Variants in KCND2 observed in about 807,000 individuals in gnomAD.
KCND2 encodes potassium voltage-gated channel subfamily D member 2.
Under a neutral mutation model 54.4 loss-of-function variants are expected in KCND2, and 16 were observed. The ratio of observed to expected loss-of-function variants is 0.29; its 90% confidence interval spans 0.20 to 0.45. KCND2 has a LOEUF of 0.45. Ranked by LOEUF, KCND2 falls within the 20% of genes least tolerant of loss-of-function variation. KCND2 has a pLI of 1.00. For synonymous variants in KCND2, 317 were observed against 310.7 expected, an observed-to-expected ratio of 1.02 and a Z score of -0.21; for missense variants, 486 against 824.2, an observed-to-expected ratio of 0.59 and a Z score of 5.02.
intron 1 of KCND2, among the ~76,000 whole-genome samples, chr7:120,280,031 A>G (rs537921966): frequency 6.2e-4 from 95 of 152,114 alleles, no homozygotes; most frequent in Non-Finnish European, 1.1e-3. Flanking sequence ...ACATCTATAC[A>G]TAACTATTGC....
At position 120,526,398 on chromosome 7, in the gene KCND2, C is replaced by A. The variant is rs114497046; in HGVS notation, c.1116-206505C>A. Among the ~76,000 whole-genome samples, 811 of 152,150 alleles carry A rather than the reference C, an allele frequency of 5.3e-3. 5 individuals carry two copies. The highest frequency in any genetic ancestry group is 0.018 in the African/African-American group (744 of 41,508). On this transcript the variant is annotated intron_variant, in intron 1 of 5. Coordinates refer to ENST00000331113, the MANE Select transcript of KCND2 (RefSeq NM_012281.3). ...CTCCTAATATACAGAAGAAAAATTACACATGAAGTTAAAAAAGTAAGGATA... is the reference window on the plus strand; with the variant it reads ...CTCCTAATATACAGAAGAAAAATTAAACATGAAGTTAAAAAAGTAAGGATA...
chr7:120,509,996 G>GGACATCTAGCCACAA (rs1803088412), intron 1 of KCND2, among the ~76,000 whole-genome samples: 1 of 152,010 alleles, frequency 6.6e-6, no homozygotes, highest in Non-Finnish European at 1.5e-5. Context: ...AGACCCTACA[G>GGACATCTAGCCACAA]GAAGCAATCC....
At chr7:120,291,659 T>C (rs1262616022) in intron 1 of KCND2, among the ~76,000 whole-genome samples, 1 of 151,910 alleles carries the variant, frequency 6.6e-6, no homozygotes, top group Non-Finnish European at 1.5e-5. Flanking sequence ...TATGTGCAGA[T>C]CTGGGATTTT....
intron 1 of KCND2, among the ~76,000 whole-genome samples, chr7:120,612,738 A>G (rs1461722887): frequency 6.6e-6 from 1 of 152,196 alleles, no homozygotes; most frequent in African/African-American, 2.4e-5. Context: ...GAACTTAATG[A>G]ATTTTTGTTA....
At chr7:120,456,526 A>C (rs773926414) in intron 1 of KCND2, among the ~76,000 whole-genome samples, 1 of 152,188 alleles carries the variant, frequency 6.6e-6, no homozygotes, top group African/African-American at 2.4e-5. Flanking sequence ...TTCCTGGCTA[A>C]TTTTCTACCC....
rs151024744 is a variant in KCND2 at position 120,320,085 on chromosome 7, G to A, written c.1115+44338G>A. 4.3e-4 allele frequency among the ~76,000 whole-genome samples: 66 copies of A among 152,052 alleles called. 2 individuals carry two copies. In the East Asian group the frequency reaches 0.011, roughly 26 times the overall value. On this transcript the variant is annotated intron_variant, in intron 1 of 5. Transcript: ENST00000331113. ...CCTGAGTGGTCCTGTTTCATCTTGC[G>A]CTTGTCAGTTGGTACCACTTGTACA...
At chr7:120,333,891 C>A (rs185128558) in intron 1 of KCND2, among the ~76,000 whole-genome samples, 6 of 152,138 alleles carry the variant, frequency 3.9e-5, no homozygotes, top group African/African-American at 1.4e-4. Context: ...TCTTTCGGCA[C>A]TTTAGATCTT....
At chr7:120,661,661 AG>A (rs11299194) in intron 1 of KCND2, among the ~76,000 whole-genome samples, 29,525 of 147,974 alleles carry the variant, frequency 0.2, 3,630 homozygotes, top group African/African-American at 0.37. Context: ...AAAAAAAAAA[AG>A]AAAGAAAGGA....
chr7:120,488,082 C>A (rs1584798560), intron 1 of KCND2, among the ~76,000 whole-genome samples: 2 of 152,004 alleles, frequency 1.3e-5, no homozygotes, highest in Non-Finnish European at 2.9e-5. Context: ...GTAGTCCCAG[C>A]TACTTGGGGA....
intron 1 of KCND2, among the ~76,000 whole-genome samples, chr7:120,718,714 A>G (rs1031391673): frequency 1.3e-5 from 2 of 152,164 alleles, no homozygotes; most frequent in African/African-American, 4.8e-5. Context: ...TAATTTAGAA[A>G]CAATTGAGAG....
chr7:120,591,262 G>C (rs1010178387), intron 1 of KCND2, among the ~76,000 whole-genome samples: 5 of 152,090 alleles, frequency 3.3e-5, no homozygotes, highest in African/African-American at 9.7e-5. Context: ...ATAACATATT[G>C]GTACATTCAT....
At chr7:120,401,644 A>G (rs1165991048) in intron 1 of KCND2, among the ~76,000 whole-genome samples, 1 of 152,158 alleles carries the variant, frequency 6.6e-6, no homozygotes, top group African/African-American at 2.4e-5. Context: ...ATAAGGCGTC[A>G]GTCCTCTTCC....
chr7:120,423,109 T>C (rs954555759), intron 1 of KCND2, among the ~76,000 whole-genome samples: 38 of 152,184 alleles, frequency 2.5e-4, no homozygotes, highest in African/African-American at 9.2e-4. Flanking sequence ...TTTCCCAGAC[T>C]TATTTGTTCA....
chr7:120,477,530 C>G (rs919791219), intron 1 of KCND2, among the ~76,000 whole-genome samples: 1 of 152,114 alleles, frequency 6.6e-6, no homozygotes, highest in African/African-American at 2.4e-5. Context: ...GGGCACTCAT[C>G]ATACTACCTT....
intron 1 of KCND2, among the ~76,000 whole-genome samples, chr7:120,449,200 G>A (rs1802063489): frequency 6.6e-6 from 1 of 151,888 alleles, no homozygotes; most frequent in Non-Finnish European, 1.5e-5. Context: ...ATGGTGGCAG[G>A]TGCCTGTAGT....
chr7:120,664,642 C>G (rs1791903594), intron 1 of KCND2, among the ~76,000 whole-genome samples: 1 of 151,986 alleles, frequency 6.6e-6, no homozygotes, highest in South Asian at 2.1e-4. Context: ...TATAGGTTTT[C>G]AAGCACAAGT....
chr7:120,650,692 T>G (rs1791718879), intron 1 of KCND2, among the ~76,000 whole-genome samples: 1 of 144,032 alleles, frequency 6.9e-6, no homozygotes. Context: ...ACAGGCACTC[T>G]GATTTTTAGA....
intron 1 of KCND2, among the ~76,000 whole-genome samples, chr7:120,476,491 T>C (rs1802535274): frequency 6.6e-6 from 1 of 152,198 alleles, no homozygotes; most frequent in Admixed American, 6.5e-5. Context: ...GTAAGCAAAG[T>C]AACCAAGTAA....
chr7:120,437,080 A>G (rs534036253), intron 1 of KCND2, among the ~76,000 whole-genome samples: 20 of 152,110 alleles, frequency 1.3e-4, no homozygotes, highest in Non-Finnish European at 2.6e-4. Context: ...GGGAAAAACA[A>G]CTTCTTTACT....
Sources: allele counts gnomAD v4.1 joint callset (sites outside exome capture counted in the v4.1 genomes callset), GRCh38; gene constraint gnomAD v4.1.1; transcripts MANE v1.5; gene names NCBI Gene and HGNC (gene_info 2026-07-23, HGNC 2026-07-21).